CDH2: variants seen among roughly 807,000 people sequenced by gnomAD.
CDH2 encodes the protein cadherin-2.
A neutral mutation model predicts 92.0 loss-of-function variants in CDH2; 17 were observed. The ratio of observed to expected loss-of-function variants is 0.18; its 90% CI spans 0.13 to 0.28. The LOEUF (loss-of-function observed/expected upper bound fraction) is 0.28, where lower values mean the gene tolerates loss of function less well. Among genes scored for constraint, CDH2 ranks in the 10% least tolerant of loss-of-function variants. CDH2 has a pLI of 1.00. For missense variants in CDH2, 862 were observed against 1,133.1 expected (o/e 0.76, Z 3.44); for synonymous variants, 419 against 415.9 (o/e 1.01, Z -0.09).
chr18:27,955,177 G>T, intron 15 of CDH2, among the ~76,000 whole-genome samples: 1 of 151,980 alleles, frequency 6.6e-6, no homozygotes, highest in East Asian at 1.9e-4. Context: ...CAGAGCCCTG[G>T]CCCAATCCTT....
At chr18:28,037,863 G>C (rs1189569844) in intron 2 of CDH2, among the ~76,000 whole-genome samples, 1 of 152,062 alleles carries the variant, frequency 6.6e-6, no homozygotes, top group Non-Finnish European at 1.5e-5. Flanking sequence ...ACATGAACTA[G>C]AGATCTAGCC....
intron 2 of CDH2, among the ~76,000 whole-genome samples, chr18:28,126,649 G>T (rs1451545507): frequency 6.6e-6 from 1 of 152,056 alleles, no homozygotes; most frequent in African/African-American, 2.4e-5. Flanking sequence ...AAAAATAATT[G>T]GGGTAAATTG....
chr18:27,952,286 C>G lies in CDH2; in HGVS notation c.2588G>C (p.Ser863Thr). The change falls in exon 16 of 16, where the codon AGT becomes ACT. Residue 863 changes from serine to threonine, a missense_variant. Transcript: ENST00000269141. ...DSLLVFDYEG[S>T]GSTAGSLSSL... ...GCTCAAGGACCCAGCAGTGGAGCCA[C>G]TGCCTTCATAGTCAAACACTAACAG... is the stretch of plus-strand genomic sequence containing the variant. 6.2e-7 allele frequency: 1 copy of G among 1,613,696 alleles called. No individual in the cohort carries two copies. Among genetic ancestry groups the G allele is most frequent in the South Asian group, 1.1e-5 (1 of 91,078 alleles).
chr18:28,158,047 A>T (rs1461785626), intron 1 of CDH2, among the ~76,000 whole-genome samples: 1 of 152,174 alleles, frequency 6.6e-6, no homozygotes, highest in Non-Finnish European at 1.5e-5. Flanking sequence ...CATTTCATAA[A>T]ACCTGGAGCA....
intron 6 of CDH2, among the ~76,000 whole-genome samples, chr18:27,945,024 T>C (rs1909235042): frequency 6.6e-6 from 1 of 152,212 alleles, no homozygotes; most frequent in Non-Finnish European, 1.5e-5. Flanking sequence ...TTTGTTGTAC[T>C]AGAAATTGAA....
At chr18:28,019,475 T>C (rs1157905956) in intron 2 of CDH2, among the ~76,000 whole-genome samples, 1 of 152,070 alleles carries the variant, frequency 6.6e-6, no homozygotes, top group Non-Finnish European at 1.5e-5. Flanking sequence ...TCTATTAATG[T>C]TGTACTGTTA....
At chr18:28,001,884 C>T (rs974399433) in intron 7 of CDH2, among the ~76,000 whole-genome samples, 1 of 152,168 alleles carries the variant, frequency 6.6e-6, no homozygotes, top group African/African-American at 2.4e-5. Flanking sequence ...TGTCAAAAAA[C>T]ACGAACTTCT....
chr18:28,160,245 A>G (rs2016286583), intron 1 of CDH2, among the ~76,000 whole-genome samples: 1 of 151,996 alleles, frequency 6.6e-6, no homozygotes, highest in Non-Finnish European at 1.5e-5. Context: ...CAGCGACCTT[A>G]GCCCAGTGGT....
At chr18:27,998,782 C>A (rs1366387996) in intron 7 of CDH2, among the ~76,000 whole-genome samples, 2 of 152,056 alleles carry the variant, frequency 1.3e-5, no homozygotes, top group Non-Finnish European at 2.9e-5. Flanking sequence ...CCACGCCTGG[C>A]TAATTTTTTG....
At position 28,177,030 on chromosome 18, in the gene CDH2, G is replaced by A. The variant is rs1406686242; in HGVS notation, c.-8C>T. On this transcript the variant is annotated 5_prime_UTR_variant, in exon 1 of 16. Transcript: ENST00000269141. ...TCCCGCTATCCGGCACATGGAGGCG[G>A]AGAGGGGCCGAGCGAAGAGCCGGAG... 1.1e-5 allele frequency: 16 copies of A among 1,487,594 alleles called. No homozygotes were observed. The highest frequency in any genetic ancestry group is 6.3e-5 in the South Asian group (5 of 79,438). 92.1% of individuals were successfully genotyped at this position (1,487,594 alleles called of 1,614,324 possible).
chr18:28,043,887 C>G (rs1347917471), intron 2 of CDH2, among the ~76,000 whole-genome samples: 2 of 108,162 alleles, frequency 1.8e-5, no homozygotes, highest in African/African-American at 6.3e-5. Flanking sequence ...CTCAGAATCT[C>G]GGATTTTTTT....
chr18:28,128,502 T>C (rs140082321), intron 2 of CDH2, among the ~76,000 whole-genome samples: 1 of 152,142 alleles, frequency 6.6e-6, no homozygotes, highest in Non-Finnish European at 1.5e-5. Context: ...CTGCACAACA[T>C]GGCGAAACCC....
chr18:27,990,027 A>C, intron 10 of CDH2, 70 bp downstream of exon 10: 1 of 1,317,128 alleles, frequency 7.6e-7, no homozygotes, highest in Non-Finnish European at 1.1e-6. Flanking sequence ...CAAATAGTGA[A>C]TTAGATAAAT....
chr18:27,936,932 C>T (rs1191477482), intron 6 of CDH2, among the ~76,000 whole-genome samples: 1 of 152,178 alleles, frequency 6.6e-6, no homozygotes, highest in Non-Finnish European at 1.5e-5. Context: ...GTAAAACACT[C>T]TCAAGTTTTA....
rs543001016 is a variant in CDH2, at chr18:27,997,717, T to C, written c.1021-4080A>G. 5.8e-4 allele frequency among the ~76,000 whole-genome samples: 89 copies of C among 152,138 alleles called. No individual in the cohort carries two copies. The South Asian group carries it at 0.016, about 27-fold the overall frequency. ...ATCACGGGTTTCAGGAGATGACAGA[T>C]TTGCCTCTAGATAAATTGGGTTGGG... On this transcript the variant is annotated intron_variant, in intron 7 of 15. Transcript: ENST00000269141.
At chr18:27,994,911 G>C (rs796404259) in intron 7 of CDH2, among the ~76,000 whole-genome samples, 7 of 152,200 alleles carry the variant, frequency 4.6e-5, no homozygotes, top group East Asian at 1.9e-4. Context: ...CTTCCAAAAA[G>C]AGAAAATGTT....
chr18:28,052,321 T>C (rs2014207980), intron 2 of CDH2, among the ~76,000 whole-genome samples: 1 of 152,154 alleles, frequency 6.6e-6, no homozygotes, highest in Admixed American at 6.5e-5. Context: ...TATAATTAAA[T>C]AGATGAAGAA....
At chr18:28,037,259 A>C (rs954323228) in intron 2 of CDH2, among the ~76,000 whole-genome samples, 5 of 152,198 alleles carry the variant, frequency 3.3e-5, no homozygotes, top group Non-Finnish European at 7.3e-5. Flanking sequence ...ATGCCTATAC[A>C]TAATTTTGCT....
At chr18:28,036,275 C>T (rs1327015280) in intron 2 of CDH2, among the ~76,000 whole-genome samples, 2 of 152,226 alleles carry the variant, frequency 1.3e-5, no homozygotes, top group East Asian at 3.9e-4. Context: ...ATCCCACCCC[C>T]ATAAAATACA....
Sources: allele counts gnomAD v4.1 joint callset (sites outside exome capture counted in the v4.1 genomes callset), GRCh38; gene constraint gnomAD v4.1.1; transcripts MANE v1.5; gene names NCBI Gene and HGNC (gene_info 2026-07-23, HGNC 2026-07-21).